The following DNAH14 variants were observed in gnomAD, a reference collection of about 807,000 sequenced individuals.
The protein encoded by DNAH14 is dynein axonemal heavy chain 14, also known as axonemal beta dynein heavy chain 14.
A neutral mutation model predicts 520.9 loss-of-function variants in DNAH14; 478 were observed. That is an observed-to-expected ratio of 0.92 (90% CI 0.85 to 0.99). The LOEUF (loss-of-function observed/expected upper bound fraction) is 0.99. Ranked by LOEUF, DNAH14 falls within the 50% of genes least tolerant of loss-of-function variation. DNAH14 has a pLI of 0.00. For synonymous variants in DNAH14, 1,581 were observed against 1,757.2 expected, an observed-to-expected ratio of 0.90 and a Z score of 2.51; for missense variants, 4,831 against 5,234.5, an observed-to-expected ratio of 0.92 and a Z score of 2.38.
intron 3 of DNAH14, among the ~76,000 whole-genome samples, chr1:224,959,743 A>T (rs2060729316): frequency 6.6e-6 from 1 of 152,154 alleles, no homozygotes; most frequent in Non-Finnish European, 1.5e-5. Context: ...TCATGTGAGG[A>T]TTCACACTTT....
intron 8 of DNAH14, among the ~76,000 whole-genome samples, chr1:224,991,083 G>GTTTTTTTTTTT (rs1558617166): frequency 5.2e-5 from 5 of 95,900 alleles, no homozygotes; most frequent in Admixed American, 9.4e-5. Flanking sequence ...GTGATGTTGA[G>GTTTTTTTTTTT]CTTTTTTTTT....
rs1254659387 is a variant in DNAH14 at position 224,929,805 on chromosome 1, C to T, written c.-64C>T. ...GGACCTTCGCCGCTTCCAGGAAGGG[C>T]CACAACGGCCGTCGGACCACGGCGC... On this transcript the variant is annotated 5_prime_UTR_variant, in exon 1 of 86. Coordinates refer to ENST00000682510, the MANE Select transcript of DNAH14 (RefSeq NM_001367479.1). 2 of 696,862 alleles carry T rather than the reference C, an allele frequency of 2.9e-6. No individual in the cohort carries two copies. The highest frequency in any genetic ancestry group is 5.3e-6 in the Non-Finnish European group (2 of 380,862). 43.2% of individuals were successfully genotyped at this position (696,862 alleles called of 1,614,324 possible). A position where few individuals can be genotyped will look rare whatever the true frequency, so the allele number is the denominator to read the frequency against.
intron 21 of DNAH14, among the ~76,000 whole-genome samples, chr1:225,088,013 T>C (rs1016437339): frequency 2.6e-5 from 4 of 152,204 alleles, no homozygotes; most frequent in Non-Finnish European, 5.9e-5. Context: ...GTTGCTCCTG[T>C]CTTCCCTAAC....
chr1:225,344,123 G>C (rs1423747148), intron 69 of DNAH14, among the ~76,000 whole-genome samples: 1 of 151,632 alleles, frequency 6.6e-6, no homozygotes, highest in Non-Finnish European at 1.5e-5. Flanking sequence ...GAGTAATAGT[G>C]GTTTTAGTAA....
chr1:225,259,879 A>G (rs532294961), intron 46 of DNAH14, among the ~76,000 whole-genome samples: 1 of 152,324 alleles, frequency 6.6e-6, no homozygotes, highest in African/African-American at 2.4e-5. Context: ...ATGTTGTTAC[A>G]AATGACAGAA....
intron 27 of DNAH14, among the ~76,000 whole-genome samples, chr1:225,128,330 T>C (rs916872249): frequency 2.6e-5 from 4 of 152,144 alleles, no homozygotes; most frequent in Non-Finnish European, 5.9e-5. Flanking sequence ...GCCAGCATCA[T>C]CCTGATACCA....
At chr1:225,018,382 C>T (rs1052181487) in intron 10 of DNAH14, among the ~76,000 whole-genome samples, 7 of 152,068 alleles carry the variant, frequency 4.6e-5, no homozygotes, top group Non-Finnish European at 8.8e-5. Flanking sequence ...TTGAGAAATA[C>T]GGGATTCTGT....
In DNAH14 at chr1:225,141,167, A is replaced by T. The variant is rs2079422751; in HGVS notation, c.4508+146A>T. ...ATTCTAAGCAAACTGTACCAATCTG[A>T]GTATATTAGTCCCCCTTTATCTGCA... On this transcript the variant is annotated intron_variant, in intron 28 of 85. Coordinates refer to ENST00000682510, the MANE Select transcript of DNAH14 (RefSeq NM_001367479.1). The T allele has an allele frequency of 5.5e-6, 4 of 728,866 alleles. No individual in the cohort carries two copies. In the South Asian group the frequency reaches 9.9e-5, roughly 18 times the overall value. 45.1% of individuals were successfully genotyped at this position (728,866 alleles called of 1,614,324 possible).
chr1:225,261,467 A>G (rs1427651807), intron 46 of DNAH14, among the ~76,000 whole-genome samples: 1 of 152,174 alleles, frequency 6.6e-6, no homozygotes, highest in African/African-American at 2.4e-5. Context: ...TGAATCATAC[A>G]TGAAATTATC....
chr1:225,315,842 C>T (rs567528681), intron 60 of DNAH14, among the ~76,000 whole-genome samples: 5 of 152,332 alleles, frequency 3.3e-5, no homozygotes, highest in Admixed American at 1.3e-4. Flanking sequence ...CAGATGCCAG[C>T]TGGAGCTCTC....
intron 77 of DNAH14, among the ~76,000 whole-genome samples, chr1:225,374,300 C>T (rs1334919556): frequency 2.5e-4 from 36 of 142,276 alleles, no homozygotes; most frequent in African/African-American, 8.3e-4. Context: ...CTCACTCTGT[C>T]GCCCAGGCTG....
At chr1:225,223,775 AT>A (rs1282527413) in intron 41 of DNAH14, among the ~76,000 whole-genome samples, 9 of 152,188 alleles carry the variant, frequency 5.9e-5, no homozygotes, top group African/African-American at 2.2e-4. Flanking sequence ...CACCAACTTC[AT>A]TGGAAAGTGC....
chr1:225,375,090 C>T (rs529403966), intron 78 of DNAH14, among the ~76,000 whole-genome samples: 16 of 152,072 alleles, frequency 1.1e-4, no homozygotes, highest in African/African-American at 3.6e-4. Flanking sequence ...ATTTAAAAAT[C>T]GTTCATGTCC....
intron 81 of DNAH14, among the ~76,000 whole-genome samples, chr1:225,385,545 A>C (rs2150786428): frequency 6.6e-6 from 1 of 152,346 alleles, no homozygotes; most frequent in African/African-American, 2.4e-5. Flanking sequence ...AGGATACCAA[A>C]TCAATGTGCA....
chr1:225,012,556 T>G (rs1487817243), intron 10 of DNAH14, among the ~76,000 whole-genome samples: 3 of 152,238 alleles, frequency 2.0e-5, no homozygotes, highest in Non-Finnish European at 4.4e-5. Flanking sequence ...GAAGTGTGTT[T>G]TCCCACTGGG....
chr1:225,142,103 G>A (rs1400578265), intron 28 of DNAH14, among the ~76,000 whole-genome samples: 1 of 152,054 alleles, frequency 6.6e-6, no homozygotes, highest in Non-Finnish European at 1.5e-5. Flanking sequence ...TTTCTTAATT[G>A]CCAAAGAGGA....
chr1:225,157,786 T>G (rs1445410709), intron 34 of DNAH14, among the ~76,000 whole-genome samples: 1 of 152,154 alleles, frequency 6.6e-6, no homozygotes, highest in Non-Finnish European at 1.5e-5. Flanking sequence ...CCCTTTGACT[T>G]CAAGTGGACT....
chr1:225,247,782 T>A (rs1301802904), intron 43 of DNAH14, among the ~76,000 whole-genome samples: 2 of 152,132 alleles, frequency 1.3e-5, no homozygotes, highest in Non-Finnish European at 2.9e-5. Flanking sequence ...ATCCCAGCAC[T>A]TTGGGAGGCC....
chr1:225,343,855 T>C (rs2095241655), intron 69 of DNAH14, among the ~76,000 whole-genome samples: 1 of 152,118 alleles, frequency 6.6e-6, no homozygotes, highest in African/African-American at 2.4e-5. Context: ...AAGTATTATA[T>C]AATATACATA....
Sources: allele counts gnomAD v4.1 joint callset (sites outside exome capture counted in the v4.1 genomes callset), GRCh38; gene constraint gnomAD v4.1.1; transcripts MANE v1.5; gene names NCBI Gene and HGNC (gene_info 2026-07-23, HGNC 2026-07-21).